The following FUBP3 variants were observed in gnomAD, a reference collection of about 807,000 sequenced individuals.
FUBP3 encodes far upstream element binding protein 3.
A neutral mutation model predicts 85.6 loss-of-function variants in FUBP3; 28 were observed. The observed-to-expected ratio is 0.33, with a 90% CI of 0.24 to 0.45. The LOEUF (loss-of-function observed/expected upper bound fraction) is 0.45. FUBP3 is among the 20% of genes least tolerant of loss of function. The pLI, the probability that FUBP3 is intolerant of heterozygous loss-of-function variation, is 1.00. For missense variants in FUBP3, 583 were observed against 755.1 expected, an observed-to-expected ratio of 0.77 and a Z score of 2.67; for synonymous variants, 271 against 271.4, an observed-to-expected ratio of 1.00 and a Z score of 0.01.
rs1221233092 is a variant in FUBP3 at position 130,635,373 on chromosome 9, G to A, written c.1583-626G>A. Among the ~76,000 whole-genome samples the A allele has an allele frequency of 6.6e-6, 1 of 152,248 alleles. No homozygotes were observed. Among genetic ancestry groups the A allele is most frequent in the East Asian group, 1.9e-4 (1 of 5,204 alleles). ...TACTAGACCGGAGGACTGAGGGCTTGTTTAAAGAGGTATCTCACGTGCCTT... is the reference window on the plus strand; with the variant it reads ...TACTAGACCGGAGGACTGAGGGCTTATTTAAAGAGGTATCTCACGTGCCTT... On this transcript the variant is annotated intron_variant, in intron 17 of 18. Coordinates refer to ENST00000319725, the MANE Select transcript of FUBP3 (RefSeq NM_003934.2). This position sits in a 1 kb window ranked among gnomAD's most constrained non-coding sequence, Gnocchi z 4.3.
intron 12 of FUBP3, among the ~76,000 whole-genome samples, chr9:130,628,434 G>A (rs938503680): frequency 3.3e-5 from 5 of 152,216 alleles, no homozygotes; most frequent in African/African-American, 9.6e-5. Flanking sequence ...AGAATGGAGC[G>A]GGCTGCTGAA....
rs557208970 is a variant in FUBP3 at position 130,580,666 on chromosome 9, C to G, written c.84+902C>G. On this transcript the variant is annotated intron_variant, in intron 1 of 18. Transcript: ENST00000319725. ...CTGCTTGATTCCTAACAGAAAGCCA[C>G]AGGAGTCATTGTATTAGAAGAAGGT... The G allele has an allele frequency of 2.0e-5, 3 of 152,246 alleles. No homozygotes were observed. The South Asian group carries it at 6.2e-4, about 32-fold the overall frequency. The allele number at this position is 152,246 out of a possible 1,614,324, so 9.4% of individuals were successfully genotyped here.
At chr9:130,586,990 C>G (rs1291337227) in intron 1 of FUBP3, among the ~76,000 whole-genome samples, 1 of 151,738 alleles carries the variant, frequency 6.6e-6, no homozygotes, top group Non-Finnish European at 1.5e-5. Flanking sequence ...ACCTTGTGAT[C>G]CACCTGCCTC....
intron 12 of FUBP3, among the ~76,000 whole-genome samples, chr9:130,627,578 G>A (rs758927429): frequency 2.0e-5 from 3 of 152,198 alleles, no homozygotes; most frequent in African/African-American, 4.8e-5. Flanking sequence ...GCAAGAAACC[G>A]TGTTGTCTTT....
rs936321668 is a variant in FUBP3 at position 130,579,657 on chromosome 9, G to GCGGCGA, written c.-18_-13dup. On this transcript the variant is annotated 5_prime_UTR_variant, in exon 1 of 19. Coordinates refer to ENST00000319725, the MANE Select transcript of FUBP3 (RefSeq NM_003934.2). ...GGCGGCGTCGGCGGCGTCGGCGGCGGCGGCGACGGCGGCGGGGGCGGTAAT... is the reference window on the plus strand; with the variant it reads ...GGCGGCGTCGGCGGCGTCGGCGGCGGCGGCGACGGCGACGGCGGCGGGGGCGGTAAT... 2.9e-5 allele frequency: 35 copies of GCGGCGA among 1,197,584 alleles called. No individual in the cohort carries two copies. Among genetic ancestry groups the GCGGCGA allele is most frequent in the African/African-American group, 1.9e-4 (12 of 63,792 alleles). 74.2% of individuals were successfully genotyped at this position (1,197,584 alleles called of 1,614,324 possible). A position where few individuals can be genotyped will look rare whatever the true frequency, so the allele number is the denominator to read the frequency against.
In FUBP3 at chr9:130,630,688, AC is replaced by A; in HGVS notation, c.1184del (p.Pro395LeufsTer27). The A allele has an allele frequency of 1.3e-6, 2 of 1,597,704 alleles. No homozygotes were observed. The highest frequency in any genetic ancestry group is 2.3e-5 in the East Asian group (1 of 42,758). On this transcript the variant is annotated frameshift_variant, in exon 13 of 19. Transcript: ENST00000319725. LOFTEE classifies it high-confidence loss of function. Reference sequence around the variant, plus strand: ...GGGGCGCACGTGGAGCTTCAGAGGAACCCCCCTCCCAACAGCGACCCCAACC... The same window carrying A: ...GGGGCGCACGTGGAGCTTCAGAGGAACCCCCTCCCAACAGCGACCCCAACC... ...QSGAHVELQR[N>X]PPPNSDPNLR...
At chr9:130,631,287 C>G in intron 13 of FUBP3, 1 of 1,356,832 alleles carries the variant, frequency 7.4e-7, no homozygotes, top group East Asian at 2.9e-5. Context: ...ACGGGAGAGT[C>G]AAGCAGGTTG....
At chr9:130,590,210 A>G (rs1830565576) in intron 1 of FUBP3, among the ~76,000 whole-genome samples, 1 of 152,134 alleles carries the variant, frequency 6.6e-6, no homozygotes, top group Non-Finnish European at 1.5e-5. Flanking sequence ...TGTATCTCCC[A>G]AGATCACCTT....
intron 11 of FUBP3, among the ~76,000 whole-genome samples, chr9:130,624,564 C>T (rs1356739485): frequency 6.6e-6 from 1 of 151,916 alleles, no homozygotes; most frequent in African/African-American, 2.4e-5. Context: ...GCATTGAATG[C>T]AGCCCAACAC....
At chr9:130,589,397 G>A (rs573342934) in intron 1 of FUBP3, among the ~76,000 whole-genome samples, 1 of 145,470 alleles carries the variant, frequency 6.9e-6, no homozygotes, top group South Asian at 2.5e-4. Context: ...AGGCTGGAGT[G>A]CAATGGCTCG....
intron 2 of FUBP3, among the ~76,000 whole-genome samples, chr9:130,598,773 C>T (rs1383482631): frequency 6.6e-6 from 1 of 152,210 alleles, no homozygotes; most frequent in East Asian, 1.9e-4. Flanking sequence ...TTTTTACAAT[C>T]AAGTGAGTGC....
intron 2 of FUBP3, among the ~76,000 whole-genome samples, chr9:130,599,664 T>C (rs1831053561): frequency 6.6e-6 from 1 of 152,174 alleles, no homozygotes; most frequent in South Asian, 2.1e-4. Context: ...CTTCACTGTC[T>C]TCAATCTTGA....
Position 130,587,056 on chromosome 9 carries a change from T to G in FUBP3, c.84+7292T>G, listed in dbSNP as rs28480452. On this transcript the variant is annotated intron_variant, in intron 1 of 18. Coordinates refer to ENST00000319725, the MANE Select transcript of FUBP3 (RefSeq NM_003934.2). ...GAGCCACTGCACCCGGCGTTTTTTG[T>G]TTTTTTTTTTTGTTTGTTTGTTTTT... Among the ~76,000 whole-genome samples, 328 of 48,248 alleles carry G rather than the reference T, an allele frequency of 6.8e-3. 1 individual carries two copies. Among genetic ancestry groups the G allele is most frequent in the Middle Eastern group, 0.038 (5 of 130 alleles). 31.7% of individuals were successfully genotyped at this position (48,248 alleles called of 152,430 possible). A position where few individuals can be genotyped will look rare whatever the true frequency, so the allele number is the denominator to read the frequency against.
At chr9:130,588,902 A>G (rs1157988246) in intron 1 of FUBP3, among the ~76,000 whole-genome samples, 1 of 152,120 alleles carries the variant, frequency 6.6e-6, no homozygotes, top group African/African-American at 2.4e-5. Flanking sequence ...TTGCAGTCCA[A>G]CCTACCTTTC....
At chr9:130,589,105 A>G (rs1830473894) in intron 1 of FUBP3, among the ~76,000 whole-genome samples, 1 of 151,860 alleles carries the variant, frequency 6.6e-6, no homozygotes, top group African/African-American at 2.4e-5. Context: ...TCTAATTGGT[A>G]TAGAGTTCTA....
At chr9:130,593,579 G>A (rs1830727685) in intron 1 of FUBP3, among the ~76,000 whole-genome samples, 2 of 152,216 alleles carry the variant, frequency 1.3e-5, no homozygotes, top group Admixed American at 6.5e-5. Context: ...GATGATGTCT[G>A]CTGTTTAAAT....
intron 1 of FUBP3, 137 bp downstream of exon 1, chr9:130,579,901 C>A: frequency 2.0e-6 from 1 of 502,274 alleles, no homozygotes; most frequent in Admixed American, 4.4e-5. Context: ...CCGTGGAGTT[C>A]CTACAGCCGG....
At chr9:130,611,805 T>TTA (rs564223428) in intron 3 of FUBP3, among the ~76,000 whole-genome samples, 2 of 144,840 alleles carry the variant, frequency 1.4e-5, no homozygotes, top group African/African-American at 5.0e-5. Context: ...AGTAGTAGTT[T>TTA]AAAAAAAAAA....
intron 1 of FUBP3, among the ~76,000 whole-genome samples, chr9:130,595,270 A>G (rs2119026288): frequency 6.6e-6 from 1 of 151,862 alleles, no homozygotes; most frequent in East Asian, 1.9e-4. Flanking sequence ...TGGTAGAGAC[A>G]CATTTTTGAA....
Sources: gnomAD v4.1 joint callset for allele counts (sites outside exome capture counted in the v4.1 genomes callset) on GRCh38, gnomAD v4.1.1 for gene constraint, Gnocchi (gnomAD v3.1) non-coding constraint, MANE v1.5 for transcripts, NCBI Gene and HGNC (gene_info 2026-07-23, HGNC 2026-07-21) for gene names.